PTGFRN: variants seen among roughly 807,000 people sequenced by gnomAD.
PTGFRN encodes the protein prostaglandin F2 receptor negative regulator.
In PTGFRN, 35 loss-of-function variants were observed where a neutral mutation model predicts 83.2. The observed-to-expected ratio is 0.42, with a 90% CI of 0.32 to 0.56. PTGFRN has a LOEUF of 0.56. PTGFRN is among the 20% of genes least tolerant of loss of function. PTGFRN has a pLI of 0.11. For synonymous variants in PTGFRN, 519 were observed against 498.6 expected (o/e 1.04, Z -0.55); for missense variants, 1,051 against 1,179.5 (o/e 0.89, Z 1.60).
intron 7 of PTGFRN, among the ~76,000 whole-genome samples, chr1:116,977,901 A>C (rs549581615): frequency 2.6e-5 from 4 of 152,344 alleles, no homozygotes; most frequent in African/African-American, 9.6e-5. Context: ...TAGAGACACA[A>C]AAAACCCTTC....
At chr1:116,925,416 G>T (rs1198301211) in intron 1 of PTGFRN, among the ~76,000 whole-genome samples, 1 of 149,432 alleles carries the variant, frequency 6.7e-6, no homozygotes, top group Non-Finnish European at 1.5e-5. Flanking sequence ...GACAGAGAGA[G>T]ACTCCCTCTC....
chr1:116,960,324 A>T (rs1198093083), intron 4 of PTGFRN, among the ~76,000 whole-genome samples: 3 of 152,246 alleles, frequency 2.0e-5, no homozygotes, highest in African/African-American at 7.2e-5. Flanking sequence ...AGAGGAAGCC[A>T]CAAGAGGATT....
Position 116,989,424 on chromosome 1 carries a change from C to T in PTGFRN, c.*2457C>T, listed in dbSNP as rs1343571568. The T allele has an allele frequency of 1.3e-5, 2 of 152,480 alleles. No individual in the cohort carries two copies. Among genetic ancestry groups the T allele is most frequent in the Non-Finnish European group, 2.9e-5 (2 of 68,038 alleles). 9.4% of individuals were successfully genotyped at this position (152,480 alleles called of 1,614,324 possible). A position where few individuals can be genotyped will look rare whatever the true frequency, so the allele number is the denominator to read the frequency against. On this transcript the variant is annotated 3_prime_UTR_variant, in exon 9 of 9. Coordinates refer to ENST00000393203, the MANE Select transcript of PTGFRN (RefSeq NM_020440.4). ...TGTGTATTTTTAATGTGGTGAGATG[C>T]ACTCTTTTGTTGTACCAAATAGGGC...
chr1:116,966,426 C>T (rs1650833194), intron 5 of PTGFRN, among the ~76,000 whole-genome samples: 1 of 152,240 alleles, frequency 6.6e-6, no homozygotes, highest in Admixed American at 6.5e-5. Flanking sequence ...TCCCTTGCTG[C>T]ATTCCTCCCT....
intron 7 of PTGFRN, among the ~76,000 whole-genome samples, chr1:116,977,321 A>G (rs934765029): frequency 4.6e-5 from 7 of 152,202 alleles, no homozygotes; most frequent in Non-Finnish European, 8.8e-5. Context: ...CATGAGACAG[A>G]AAGTTAACAA....
At chr1:116,957,527 G>A (rs1404469998) in intron 4 of PTGFRN, among the ~76,000 whole-genome samples, 1 of 152,070 alleles carries the variant, frequency 6.6e-6, no homozygotes, top group Non-Finnish European at 1.5e-5. Flanking sequence ...TGTTTATGGT[G>A]TACCACATGG....
intron 1 of PTGFRN, among the ~76,000 whole-genome samples, chr1:116,935,593 C>G (rs1401094764): frequency 6.6e-6 from 1 of 152,140 alleles, no homozygotes; most frequent in African/African-American, 2.4e-5. Flanking sequence ...AATTTAAACT[C>G]TGCTTACCAC....
At chr1:116,930,636 C>G (rs1649771187) in intron 1 of PTGFRN, among the ~76,000 whole-genome samples, 2 of 152,184 alleles carry the variant, frequency 1.3e-5, no homozygotes, top group South Asian at 4.1e-4. Flanking sequence ...TTGACCCTTC[C>G]TCTGTTGTGG....
intron 5 of PTGFRN, among the ~76,000 whole-genome samples, chr1:116,963,600 G>C (rs1230818047): frequency 2.6e-5 from 4 of 151,934 alleles, no homozygotes; most frequent in Admixed American, 6.6e-5. Flanking sequence ...GGTATTTTTT[G>C]TTGTTTTAGT....
intron 4 of PTGFRN, among the ~76,000 whole-genome samples, chr1:116,954,015 G>T (rs528683389): frequency 1.3e-5 from 2 of 151,892 alleles, no homozygotes; most frequent in South Asian, 4.2e-4. Context: ...CACCATGCCC[G>T]GCTAATTTTT....
chr1:116,937,098 C>T (rs1415475353), intron 1 of PTGFRN, among the ~76,000 whole-genome samples: 2 of 152,106 alleles, frequency 1.3e-5, no homozygotes, highest in East Asian at 3.9e-4. Flanking sequence ...GGTGAAGGAG[C>T]TAGTGGGATG....
intron 3 of PTGFRN, among the ~76,000 whole-genome samples, chr1:116,948,191 TCC>T (rs1650250146): frequency 6.6e-6 from 1 of 152,142 alleles, no homozygotes; most frequent in Admixed American, 6.5e-5. Flanking sequence ...AAGTAATTGT[TCC>T]CGGACATTTC....
intron 1 of PTGFRN, among the ~76,000 whole-genome samples, chr1:116,928,937 ACT>A (rs1443223978): frequency 1.3e-5 from 2 of 151,860 alleles, no homozygotes; most frequent in East Asian, 3.9e-4. Flanking sequence ...TGTGCTGATG[ACT>A]CTCTAGTGAG....
rs778627746 is a variant in PTGFRN at position 116,986,959 on chromosome 1, A to G, written c.2632A>G (p.Met878Val). The G allele has an allele frequency of 6.2e-7, 1 of 1,614,194 alleles. No individual in the cohort carries two copies. Reference protein sequence around the residue: ...RERRRLMSMEMD With the variant: ...RERRRLMSMEVD Reference sequence around the variant, plus strand: ...GCGCCGCAGGCTCATGTCGATGGAGATGGACTAGGCTGGCCCGGGAGGGGA... The same window carrying G: ...GCGCCGCAGGCTCATGTCGATGGAGGTGGACTAGGCTGGCCCGGGAGGGGA... The change falls in exon 9 of 9, where the codon ATG (methionine) becomes GTG (valine). Residue 878 changes from methionine (M) to valine (V), a missense_variant. Transcript: ENST00000393203.
At chr1:116,928,594 C>G (rs1056030820) in intron 1 of PTGFRN, among the ~76,000 whole-genome samples, 7 of 152,150 alleles carry the variant, frequency 4.6e-5, no homozygotes, top group African/African-American at 1.2e-4. Flanking sequence ...CAAAGTCTGC[C>G]CATCTGAGAT....
intron 1 of PTGFRN, among the ~76,000 whole-genome samples, chr1:116,931,878 C>T (rs760985676): frequency 6.6e-6 from 1 of 152,208 alleles, no homozygotes; most frequent in Non-Finnish European, 1.5e-5. Context: ...TGTAAGGACT[C>T]GGGAAGTGGG....
chr1:116,914,477 A>C (rs1649349458), intron 1 of PTGFRN, among the ~76,000 whole-genome samples: 1 of 152,224 alleles, frequency 6.6e-6, no homozygotes, highest in African/African-American at 2.4e-5. Context: ...TGGGCTAAAC[A>C]GGTCAGCTCA....
In PTGFRN at chr1:116,918,455, GC is replaced by G. The variant is rs1649460351; in HGVS notation, c.49+8204del. Among the ~76,000 whole-genome samples, 1 of 152,216 alleles carries G rather than the reference GC, an allele frequency of 6.6e-6. No homozygotes were observed. The highest frequency in any genetic ancestry group is 1.5e-5 in the Non-Finnish European group (1 of 68,038). On this transcript the variant is annotated intron_variant, in intron 1 of 8. Transcript: ENST00000393203. The surrounding 1 kb of genome is among the most constrained non-coding windows in gnomAD (Gnocchi z 4.1). ...CCCAACTGTGTTCTGTGGACCACCA[GC>G]ATTGGCAGCACCTGGGGGAATCTCA...
chr1:116,915,614 C>T (rs1047437906), intron 1 of PTGFRN, among the ~76,000 whole-genome samples: 5 of 152,186 alleles, frequency 3.3e-5, no homozygotes, highest in Non-Finnish European at 7.3e-5. Context: ...GCAGGCTAGT[C>T]GGCATTTATG....
Sources: gnomAD v4.1 joint callset for allele counts (sites outside exome capture counted in the v4.1 genomes callset) on GRCh38, gnomAD v4.1.1 for gene constraint, Gnocchi (gnomAD v3.1) non-coding constraint, MANE v1.5 for transcripts, NCBI Gene and HGNC (gene_info 2026-07-23, HGNC 2026-07-21) for gene names.